The following ITGA9 variants were observed in gnomAD, a reference collection of about 807,000 sequenced individuals.
The protein encoded by ITGA9 is integrin subunit alpha 9, also known as integrin alpha-9.
A neutral mutation model predicts 127.8 loss-of-function variants in ITGA9; 56 were observed. The ratio of observed to expected loss-of-function variants is 0.44; its 90% CI spans 0.35 to 0.55. ITGA9 has a LOEUF of 0.55. Ranked by LOEUF, ITGA9 falls within the 20% of genes least tolerant of loss-of-function variation. The probability of loss-of-function intolerance (pLI) is 0.00; values close to 1 mark genes in which losing one functional copy is unlikely to be tolerated. For missense variants in ITGA9, 1,196 were observed against 1,347.1 expected (o/e 0.89, Z 1.76); for synonymous variants, 508 against 514.5 (o/e 0.99, Z 0.17).
intron 18 of ITGA9, among the ~76,000 whole-genome samples, chr3:37,686,853 A>C (rs563933062): frequency 1.3e-5 from 2 of 152,252 alleles, no homozygotes; most frequent in South Asian, 4.2e-4. Context: ...GCCACGCTGC[A>C]AGGTTGATAA....
At chr3:37,618,403 G>A (rs1435854315) in intron 15 of ITGA9, among the ~76,000 whole-genome samples, 1 of 152,220 alleles carries the variant, frequency 6.6e-6, no homozygotes, top group Non-Finnish European at 1.5e-5. Flanking sequence ...AGGCTACTCG[G>A]GGGCCAGGGA....
Position 37,505,987 on chromosome 3 carries a change from C to T in ITGA9, c.743-13C>T. The T allele has an allele frequency of 2.5e-6, 4 of 1,588,260 alleles. No homozygotes were observed. Among genetic ancestry groups the T allele is most frequent in the Non-Finnish European group, 3.4e-6 (4 of 1,163,568 alleles). On this transcript the variant is annotated splice_polypyrimidine_tract_variant and intron_variant, in intron 6 of 27. Coordinates refer to ENST00000264741, the MANE Select transcript of ITGA9 (RefSeq NM_002207.3). ...TTTCAACCGTGTGCTTGGTTTCCGCCCATCCTGTTCAGGCTACGCAGTGAC... is the reference window on the plus strand; with the variant it reads ...TTTCAACCGTGTGCTTGGTTTCCGCTCATCCTGTTCAGGCTACGCAGTGAC...
At chr3:37,531,020 G>A (rs4992872) in intron 13 of ITGA9, among the ~76,000 whole-genome samples, 88,569 of 151,462 alleles carry the variant, frequency 0.58, 26,315 homozygotes, top group East Asian at 0.82. Flanking sequence ...CAAAGTGCTG[G>A]GATTACAGGC....
chr3:37,614,318 A>G (rs1288460398), intron 15 of ITGA9, among the ~76,000 whole-genome samples: 12 of 151,504 alleles, frequency 7.9e-5, no homozygotes, highest in South Asian at 2.1e-4. Context: ...TGTTCCATTG[A>G]TCTATATCTC....
rs190694553 is a variant in ITGA9, at chr3:37,784,346, C to T, written c.2788-631C>T. On this transcript the variant is annotated intron_variant, in intron 25 of 27. Coordinates refer to ENST00000264741, the MANE Select transcript of ITGA9 (RefSeq NM_002207.3). Reference sequence around the variant, plus strand: ...GAGCCCACAGGAAGACCTCTGCCTGCCTCTGGCTGGGGGGTGATTCCAGAG... The same window carrying T: ...GAGCCCACAGGAAGACCTCTGCCTGTCTCTGGCTGGGGGGTGATTCCAGAG... Among the ~76,000 whole-genome samples the T allele has an allele frequency of 4.6e-5, 7 of 152,294 alleles. No homozygotes were observed. In the East Asian group the frequency reaches 1.3e-3, roughly 29 times the overall value.
chr3:37,514,566 T>C (rs1457798440), intron 9 of ITGA9, among the ~76,000 whole-genome samples: 1 of 152,136 alleles, frequency 6.6e-6, no homozygotes, highest in Non-Finnish European at 1.5e-5. Flanking sequence ...AACCATAATC[T>C]TTTTGTTCGT....
In ITGA9 at chr3:37,736,900, C is replaced by T. The variant is rs752657027; in HGVS notation, c.2155-4C>T. ...ATGCCAAATACCACTTCCTTTTTCA[C>T]TAGTATGAATTCAGCGTGATCTTTG... On this transcript the variant is annotated splice_region_variant and splice_polypyrimidine_tract_variant and intron_variant, in intron 19 of 27. Coordinates refer to ENST00000264741, the MANE Select transcript of ITGA9 (RefSeq NM_002207.3). The T allele has an allele frequency of 1.2e-6, 2 of 1,605,944 alleles. No individual in the cohort carries two copies. Among genetic ancestry groups the T allele is most frequent in the Non-Finnish European group, 1.7e-6 (2 of 1,172,544 alleles).
At chr3:37,697,528 TC>T (rs1700898770) in intron 18 of ITGA9, among the ~76,000 whole-genome samples, 2 of 151,866 alleles carry the variant, frequency 1.3e-5, no homozygotes, top group African/African-American at 2.4e-5. Flanking sequence ...ATGTTCCCCT[TC>T]TTGTGTCCAA....
At chr3:37,642,426 G>A (rs967425186) in intron 16 of ITGA9, among the ~76,000 whole-genome samples, 2 of 152,256 alleles carry the variant, frequency 1.3e-5, no homozygotes, top group Non-Finnish European at 2.9e-5. Context: ...TTAGTAAATA[G>A]TAAATAGTTG....
At chr3:37,790,307 A>G (rs933204760) in intron 26 of ITGA9, 1 of 536,334 alleles carries the variant, frequency 1.9e-6, no homozygotes, top group Non-Finnish European at 3.8e-6. Context: ...ATTTCTGGAT[A>G]GAGACTAATC....
At chr3:37,766,716 G>T (rs1321156177) in intron 23 of ITGA9, among the ~76,000 whole-genome samples, 3 of 152,052 alleles carry the variant, frequency 2.0e-5, no homozygotes, top group Admixed American at 2.0e-4. Flanking sequence ...CTCATATGGG[G>T]GCTATTCACT....
intron 26 of ITGA9, among the ~76,000 whole-genome samples, chr3:37,789,709 C>T (rs913880661): frequency 3.2e-5 from 4 of 126,132 alleles, no homozygotes; most frequent in Non-Finnish European, 4.7e-5. Context: ...GCGGAGCTTG[C>T]AGTGAGCTGA....
At chr3:37,605,750 T>C (rs1004088580) in intron 15 of ITGA9, among the ~76,000 whole-genome samples, 2 of 152,226 alleles carry the variant, frequency 1.3e-5, no homozygotes, top group African/African-American at 4.8e-5. Context: ...ATAAGGAATA[T>C]GTTATTACAG....
intron 1 of ITGA9, among the ~76,000 whole-genome samples, chr3:37,467,109 C>T (rs1698381357): frequency 6.6e-6 from 1 of 152,146 alleles, no homozygotes; most frequent in South Asian, 2.1e-4. Flanking sequence ...GGCCTAGGTA[C>T]AGAGCAGTGC....
chr3:37,493,815 A>C (rs1698697483), intron 4 of ITGA9, among the ~76,000 whole-genome samples: 1 of 152,206 alleles, frequency 6.6e-6, no homozygotes, highest in East Asian at 1.9e-4. Context: ...ACTTGTCAAA[A>C]GTTTCCTACC....
chr3:37,680,650 C>G (rs1700726496), intron 17 of ITGA9, among the ~76,000 whole-genome samples: 1 of 152,194 alleles, frequency 6.6e-6, no homozygotes, highest in African/African-American at 2.4e-5. Context: ...TCTATACTGT[C>G]TCCCTGCCAA....
At chr3:37,695,362 G>A (rs918070142) in intron 18 of ITGA9, among the ~76,000 whole-genome samples, 5 of 152,142 alleles carry the variant, frequency 3.3e-5, no homozygotes, top group Non-Finnish European at 7.4e-5. Flanking sequence ...TGCTACAGTC[G>A]GTTTACCTTC....
intron 3 of ITGA9, among the ~76,000 whole-genome samples, chr3:37,478,300 T>G (rs969414612): frequency 6.6e-6 from 1 of 152,212 alleles, no homozygotes; most frequent in African/African-American, 2.4e-5. Flanking sequence ...CAGGTGCGAA[T>G]GTAGGAGGGT....
At chr3:37,642,589 A>G (rs1219455545) in intron 16 of ITGA9, among the ~76,000 whole-genome samples, 1 of 152,360 alleles carries the variant, frequency 6.6e-6, no homozygotes, top group African/African-American at 2.4e-5. Context: ...GCAAGAGAGC[A>G]TGATGTGTGA....
Sources: allele counts gnomAD v4.1 joint callset (sites outside exome capture counted in the v4.1 genomes callset), GRCh38; gene constraint gnomAD v4.1.1; transcripts MANE v1.5; gene names NCBI Gene and HGNC (gene_info 2026-07-23, HGNC 2026-07-21).